BCAS3: variants seen among roughly 807,000 people sequenced by gnomAD.
BCAS3 encodes the protein BCAS3 microtubule associated cell migration factor.
Under a neutral mutation model 116.1 loss-of-function variants are expected in BCAS3, and 53 were observed. The ratio of observed to expected loss-of-function variants is 0.46; its 90% CI spans 0.37 to 0.57. The LOEUF (loss-of-function observed/expected upper bound fraction) is 0.57. Ranked by LOEUF, BCAS3 falls within the 20% of genes least tolerant of loss-of-function variation. The pLI is 0.00. For missense variants in BCAS3, 917 were observed against 1,165.4 expected (o/e 0.79, Z 3.10); for synonymous variants, 391 against 408.2 (o/e 0.96, Z 0.51).
intron 4 of BCAS3, among the ~76,000 whole-genome samples, chr17:60,691,878 G>T (rs1316922447): frequency 6.6e-6 from 1 of 151,802 alleles, no homozygotes; most frequent in Non-Finnish European, 1.5e-5. Flanking sequence ...TAGTTTTTAA[G>T]GGTGATTGTT....
In BCAS3 at chr17:61,038,001, C is replaced by T. The variant is rs747433646; in HGVS notation, c.1875C>T (p.Asp625=). Reference sequence around the variant, plus strand: ...TCAGCACTGCACCCAAGATTAGTGACGACACACCACTGGAAATGATGACAT... The same window carrying T: ...TCAGCACTGCACCCAAGATTAGTGATGACACACCACTGGAAATGATGACAT... ...RPLSTAPKIS[D]DTPLEMMTSP... The change falls in exon 18 of 24, where the codon GAC becomes GAT. Residue 625 remains aspartate (D), a synonymous_variant. Transcript: ENST00000407086. 1.8e-5 allele frequency: 29 copies of T among 1,614,028 alleles called. No homozygotes were observed. The highest frequency in any genetic ancestry group is 3.3e-4 in the Middle Eastern group (2 of 6,084).
chr17:60,678,994 C>T (rs1240508596), intron 1 of BCAS3, among the ~76,000 whole-genome samples: 1 of 152,120 alleles, frequency 6.6e-6, no homozygotes, highest in Non-Finnish European at 1.5e-5. Flanking sequence ...GAGGCTAAGG[C>T]GGATGGATTG....
In BCAS3 at chr17:61,032,389, C is replaced by CT. The variant is rs1458100854; in HGVS notation, c.1638-2273dup. Reference sequence around the variant, plus strand: ...ACTGCTTTCAAAAAATTCTACAATACTTTTCTCTTTCCCGTTCCCCCAGCC... The same window carrying CT: ...ACTGCTTTCAAAAAATTCTACAATACTTTTTCTCTTTCCCGTTCCCCCAGCC... On this transcript the variant is annotated intron_variant, in intron 16 of 23. Coordinates refer to ENST00000407086, the MANE Select transcript of BCAS3 (RefSeq NM_017679.5). This position sits in a 1 kb window ranked among gnomAD's most constrained non-coding sequence, Gnocchi z 4.6. Among the ~76,000 whole-genome samples the CT allele has an allele frequency of 6.6e-6, 1 of 152,116 alleles. No homozygotes were observed. The highest frequency in any genetic ancestry group is 6.6e-5 in the Admixed American group (1 of 15,266).
In BCAS3 at chr17:61,388,021, G is replaced by C. The variant is rs977049006; in HGVS notation, c.2594-3956G>C. Among the ~76,000 whole-genome samples, 1 of 152,128 alleles carries C rather than the reference G, an allele frequency of 6.6e-6. No individual in the cohort carries two copies. Among genetic ancestry groups the C allele is most frequent in the Admixed American group, 6.5e-5 (1 of 15,290 alleles). ...GACCAGAATCTCCACACCTCTAAGG[G>C]GGGAGGTGGCTGGGGACACTTCCCT... On this transcript the variant is annotated intron_variant, in intron 23 of 23. Transcript: ENST00000407086. The surrounding 1 kb of genome is among the most constrained non-coding windows in gnomAD (Gnocchi z 6.5).
chr17:61,184,921 A>G (rs1025675196), intron 22 of BCAS3, among the ~76,000 whole-genome samples: 17 of 152,082 alleles, frequency 1.1e-4, no homozygotes, highest in Non-Finnish European at 7.4e-5. Flanking sequence ...AGTGATTTCC[A>G]GGGGCCAGGA....
Position 60,990,322 on chromosome 17 carries a change from A to G in BCAS3, c.1486+87A>G, listed in dbSNP as rs977277873. On this transcript the variant is annotated intron_variant, in intron 15 of 23. Transcript: ENST00000407086. This position sits in a 1 kb window ranked among gnomAD's most constrained non-coding sequence, Gnocchi z 5.1. ...GATCTGGGATAAAACTAAACTTGTT[A>G]TAGTCTGTTCATGTAAAAAGAAGAT... 14 of 1,398,268 alleles carry G rather than the reference A, an allele frequency of 1.0e-5. No homozygotes were observed. In the African/African-American group the frequency reaches 1.3e-4, roughly 13 times the overall value. 86.6% of individuals were successfully genotyped at this position (1,398,268 alleles called of 1,614,324 possible).
intron 22 of BCAS3, among the ~76,000 whole-genome samples, chr17:61,191,500 G>T (rs2080109612): frequency 6.6e-6 from 1 of 152,148 alleles, no homozygotes; most frequent in African/African-American, 2.4e-5. Context: ...TTAAGGCCAG[G>T]CGCGGTGGCT....
intron 4 of BCAS3, among the ~76,000 whole-genome samples, chr17:60,694,934 T>C (rs953410728): frequency 3.3e-5 from 5 of 151,966 alleles, no homozygotes; most frequent in African/African-American, 1.2e-4. Flanking sequence ...CCACTCTACT[T>C]TCTGTTTCTA....
Position 61,282,427 on chromosome 17 carries a change from A to G in BCAS3, c.2426-85900A>G, listed in dbSNP as rs2051317956. 6.6e-6 allele frequency among the ~76,000 whole-genome samples: 1 copy of G among 152,222 alleles called. No homozygotes were observed. Among genetic ancestry groups the G allele is most frequent in the Non-Finnish European group, 1.5e-5 (1 of 68,038 alleles). On this transcript the variant is annotated intron_variant, in intron 22 of 23. Transcript: ENST00000407086. The surrounding 1 kb of genome is among the most constrained non-coding windows in gnomAD (Gnocchi z 5.9). The stretch of plus-strand genomic sequence containing the variant: ...CTTTTAAGAGTAGGATGGTTGGAAA[A>G]AGTGGGCAGGACATTTGCATAATAT...
At chr17:60,965,121 G>C (rs1490568309) in intron 14 of BCAS3, among the ~76,000 whole-genome samples, 1 of 151,762 alleles carries the variant, frequency 6.6e-6, no homozygotes, top group East Asian at 1.9e-4. Context: ...TATATCATTA[G>C]GTTGTTCATT....
chr17:60,766,670 G>A (rs764462032), intron 6 of BCAS3, among the ~76,000 whole-genome samples: 18 of 152,226 alleles, frequency 1.2e-4, no homozygotes, highest in Non-Finnish European at 1.6e-4. Flanking sequence ...ACTTGAGGAG[G>A]CAGTCTGTCT....
intron 14 of BCAS3, among the ~76,000 whole-genome samples, chr17:60,948,479 C>T (rs181987606): frequency 1.2e-4 from 19 of 152,184 alleles, no homozygotes; most frequent in South Asian, 2.1e-4. Flanking sequence ...TTGTCTTAAT[C>T]GCTTAAAATC....
intron 22 of BCAS3, among the ~76,000 whole-genome samples, chr17:61,359,117 G>C (rs1392753012): frequency 2.6e-5 from 4 of 152,070 alleles, no homozygotes; most frequent in African/African-American, 9.7e-5. Context: ...AGCCTTACCG[G>C]TGGCATTGCC....
intron 22 of BCAS3, among the ~76,000 whole-genome samples, chr17:61,290,874 G>A (rs1056698780): frequency 3.3e-5 from 5 of 152,150 alleles, no homozygotes; most frequent in South Asian, 2.1e-4. Flanking sequence ...TCCGCCTCCC[G>A]GGTTCATGCC....
At chr17:60,689,658 T>G in intron 3 of BCAS3, 28 bp from the exon 4 acceptor site, 1 of 1,509,962 alleles carries the variant, frequency 6.6e-7, no homozygotes, top group Non-Finnish European at 9.1e-7. Context: ...AAAATATGTT[T>G]ATTCAAATGT....
chr17:61,149,750 T>C (rs2077442459), intron 22 of BCAS3, among the ~76,000 whole-genome samples: 1 of 152,200 alleles, frequency 6.6e-6, no homozygotes, highest in Non-Finnish European at 1.5e-5. Flanking sequence ...TTATGGCAAA[T>C]GTCTGAGGCG....
chr17:60,746,724 C>T (rs1351971633), intron 5 of BCAS3, among the ~76,000 whole-genome samples: 1 of 152,100 alleles, frequency 6.6e-6, no homozygotes, highest in East Asian at 1.9e-4. Context: ...TCAAGGTTAA[C>T]AGACAATTAG....
chr17:61,325,163 G>A lies in BCAS3; in HGVS notation c.2426-43164G>A, dbSNP rs1297884810. 1.3e-5 allele frequency among the ~76,000 whole-genome samples: 2 copies of A among 152,090 alleles called. No individual in the cohort carries two copies. The highest frequency in any genetic ancestry group is 6.6e-5 in the Admixed American group (1 of 15,262). Reference sequence around the variant, plus strand: ...TGAATGTTTGACTCTGTGTCTCTGTGGACCACAACAGGACCACAGGCTGTT... The same window carrying A: ...TGAATGTTTGACTCTGTGTCTCTGTAGACCACAACAGGACCACAGGCTGTT... On this transcript the variant is annotated intron_variant, in intron 22 of 23. Coordinates refer to ENST00000407086, the MANE Select transcript of BCAS3 (RefSeq NM_017679.5). This position sits in a 1 kb window ranked among gnomAD's most constrained non-coding sequence, Gnocchi z 6.4.
chr17:60,800,544 C>G (rs533092325), intron 6 of BCAS3, among the ~76,000 whole-genome samples: 5 of 152,020 alleles, frequency 3.3e-5, no homozygotes, highest in Non-Finnish European at 5.9e-5. Flanking sequence ...GTAGCTTGTG[C>G]TTTCATTCTT....
Sources: gnomAD v4.1 joint callset for allele counts (sites outside exome capture counted in the v4.1 genomes callset) on GRCh38, gnomAD v4.1.1 for gene constraint, Gnocchi (gnomAD v3.1) non-coding constraint, MANE v1.5 for transcripts, NCBI Gene and HGNC (gene_info 2026-07-23, HGNC 2026-07-21) for gene names.